TMEM132B: variants seen among roughly 807,000 people sequenced by gnomAD.
TMEM132B encodes the protein transmembrane protein 132B.
TMEM132B carries 18 observed loss-of-function variants against 90.8 expected under a neutral mutation model. The observed-to-expected ratio is 0.20, with a 90% confidence interval of 0.14 to 0.29. The LOEUF is 0.29. Among genes scored for constraint, TMEM132B ranks in the 10% least tolerant of loss-of-function variants. The probability of loss-of-function intolerance (pLI) is 1.00; values close to 1 mark genes in which losing one functional copy is unlikely to be tolerated. For synonymous variants in TMEM132B, 504 were observed against 523.3 expected, an observed-to-expected ratio of 0.96 and a Z score of 0.50; for missense variants, 1,096 against 1,326.8, an observed-to-expected ratio of 0.83 and a Z score of 2.70.
At chr12:125,357,876 G>A (rs1877832005) in intron 2 of TMEM132B, among the ~76,000 whole-genome samples, 1 of 152,242 alleles carries the variant, frequency 6.6e-6, no homozygotes, top group South Asian at 2.1e-4. Context: ...TCTTATCCAT[G>A]AGAAGACAAT....
At chr12:125,602,157 C>T (rs1049012990) in intron 5 of TMEM132B, among the ~76,000 whole-genome samples, 2 of 152,146 alleles carry the variant, frequency 1.3e-5, no homozygotes, top group African/African-American at 4.8e-5. Context: ...AGAGACACAA[C>T]AATAAAAGAA....
intron 2 of TMEM132B, among the ~76,000 whole-genome samples, chr12:125,355,609 C>T (rs183889177): frequency 1.3e-3 from 195 of 152,284 alleles, no homozygotes; most frequent in Middle Eastern, 3.4e-3. Context: ...TATATTCAGT[C>T]TCTCGAAATA....
At chr12:125,306,196 A>G (rs527322639) in intron 1 of TMEM132B, among the ~76,000 whole-genome samples, 9 of 152,376 alleles carry the variant, frequency 5.9e-5, no homozygotes, top group African/African-American at 2.2e-4. Context: ...TTTTCCAACC[A>G]TGACTGGAAA....
chr12:125,289,806 G>T (rs1875482077), intron 1 of TMEM132B, among the ~76,000 whole-genome samples: 1 of 152,206 alleles, frequency 6.6e-6, no homozygotes, highest in Non-Finnish European at 1.5e-5. Flanking sequence ...GCTCCAGGGT[G>T]CATGGGCTCA....
intron 1 of TMEM132B, among the ~76,000 whole-genome samples, chr12:125,199,289 G>A (rs1302597543): frequency 6.6e-6 from 1 of 152,202 alleles, no homozygotes; most frequent in Admixed American, 6.5e-5. Context: ...ATGCTTGCAG[G>A]GCTGATGGAA....
chr12:125,341,835 T>C (rs2136221640), intron 1 of TMEM132B, among the ~76,000 whole-genome samples: 1 of 152,284 alleles, frequency 6.6e-6, no homozygotes, highest in South Asian at 2.1e-4. Flanking sequence ...CAGAGGTAGT[T>C]GATGAGGTAG....
intron 4 of TMEM132B, among the ~76,000 whole-genome samples, chr12:125,575,797 G>A (rs1439417690): frequency 6.6e-6 from 1 of 151,918 alleles, no homozygotes; most frequent in African/African-American, 2.4e-5. Flanking sequence ...GGTTATCCCA[G>A]CATCATTTGT....
Position 125,653,959 on chromosome 12 carries a change from A to C in TMEM132B, c.2501A>C (p.Gln834Pro). ...EREGNQERAV[Q>P]EWFHRGTPVG... ...GAAGGAAACCAGGAGAGAGCAGTCC[A>C]GGAATGGTTCCACCGTGGCACACCT... Residue 834 changes from glutamine to proline, a missense_variant, in exon 9 of 9, where the codon CAG becomes CCG. Gln to Pro is a moderately conservative substitution (Grantham distance 76, BLOSUM62 -1). Coordinates refer to ENST00000682704, the MANE Select transcript of TMEM132B (RefSeq NM_001366854.1). 6.2e-7 allele frequency: 1 copy of C among 1,614,222 alleles called. No individual in the cohort carries two copies. The highest frequency in any genetic ancestry group is 8.5e-7 in the Non-Finnish European group (1 of 1,180,042).
intron 5 of TMEM132B, among the ~76,000 whole-genome samples, chr12:125,618,651 T>C (rs1886046555): frequency 6.6e-6 from 1 of 152,168 alleles, no homozygotes; most frequent in Admixed American, 6.5e-5. Context: ...ATTTAAATGG[T>C]TAAACCAGTA....
intron 2 of TMEM132B, among the ~76,000 whole-genome samples, chr12:125,371,576 A>T (rs1878293024): frequency 6.6e-6 from 1 of 152,134 alleles, no homozygotes; most frequent in South Asian, 2.1e-4. Flanking sequence ...CAACCACCTT[A>T]CTTTTTACCA....
rs138203342 is a variant in TMEM132B, at chr12:125,243,452, G to A, written c.67+56586G>A. Among the ~76,000 whole-genome samples the A allele has an allele frequency of 5.3e-3, 802 of 151,972 alleles. 3 individuals are homozygous for A. Among genetic ancestry groups the A allele is most frequent in the African/African-American group, 0.018 (763 of 41,434 alleles). Reference sequence around the variant, plus strand: ...CTCCTGGGTAGCTGGGACTACAGGCGCCCGCCAACATGCCTGGCTAATTTT... The same window carrying A: ...CTCCTGGGTAGCTGGGACTACAGGCACCCGCCAACATGCCTGGCTAATTTT... On this transcript the variant is annotated intron_variant, in intron 1 of 8. Transcript: ENST00000682704.
chr12:125,450,689 T>G lies in TMEM132B; in HGVS notation c.1106+35012T>G, dbSNP rs148353304. ...TGGAAAATTTTGATGATTGGCACAT[T>G]ATTTACATGGTCTCAAAATGTCTCC... On this transcript the variant is annotated intron_variant, in intron 3 of 8. Coordinates refer to ENST00000682704, the MANE Select transcript of TMEM132B (RefSeq NM_001366854.1). 1.2e-3 allele frequency among the ~76,000 whole-genome samples: 177 copies of G among 152,312 alleles called. 1 individual carries two copies. The highest frequency in any genetic ancestry group is 4.1e-3 in the African/African-American group (169 of 41,572).
At chr12:125,645,117 C>G (rs1203627924) in intron 6 of TMEM132B, among the ~76,000 whole-genome samples, 1 of 149,776 alleles carries the variant, frequency 6.7e-6, no homozygotes, top group Non-Finnish European at 1.5e-5. Flanking sequence ...ACTCGGGAAG[C>G]TGAGGCAGGA....
intron 1 of TMEM132B, among the ~76,000 whole-genome samples, chr12:125,328,802 C>G (rs903092289): frequency 5.3e-5 from 8 of 152,170 alleles, no homozygotes; most frequent in African/African-American, 1.9e-4. Flanking sequence ...CCCTCAAGAC[C>G]GCACTGGGGC....
At chr12:125,321,638 G>A (rs558317679) in intron 1 of TMEM132B, among the ~76,000 whole-genome samples, 3 of 151,996 alleles carry the variant, frequency 2.0e-5, no homozygotes, top group East Asian at 1.9e-4. Context: ...CACCATGCCC[G>A]GCTAATTTTT....
At chr12:125,339,545 C>T (rs1024348599) in intron 1 of TMEM132B, among the ~76,000 whole-genome samples, 9 of 152,314 alleles carry the variant, frequency 5.9e-5, no homozygotes, top group East Asian at 1.9e-4. Context: ...TTCCAATGCC[C>T]CCATCCTCAG....
chr12:125,193,311 C>T (rs191834508), intron 1 of TMEM132B, among the ~76,000 whole-genome samples: 11 of 152,298 alleles, frequency 7.2e-5, no homozygotes, highest in African/African-American at 2.6e-4. Context: ...AAGGTAGGGT[C>T]TCCTCCCCAG....
chr12:125,347,954 G>A (rs1200986087), intron 1 of TMEM132B, among the ~76,000 whole-genome samples: 2 of 152,190 alleles, frequency 1.3e-5, no homozygotes, highest in Non-Finnish European at 2.9e-5. Context: ...CAAATTAAAA[G>A]AAAGCAGAAA....
intron 1 of TMEM132B, among the ~76,000 whole-genome samples, chr12:125,317,907 T>C (rs1374084670): frequency 6.6e-6 from 1 of 152,244 alleles, no homozygotes; most frequent in East Asian, 1.9e-4. Context: ...TGTGTGAGAA[T>C]TGTTTCTTAA....
Sources: allele counts gnomAD v4.1 joint callset (sites outside exome capture counted in the v4.1 genomes callset), GRCh38; gene constraint gnomAD v4.1.1; transcripts MANE v1.5; gene names NCBI Gene and HGNC (gene_info 2026-07-23, HGNC 2026-07-21).